PCDHA8: variants seen among roughly 807,000 people sequenced by gnomAD.
PCDHA8 encodes protocadherin alpha 8, also known as protocadherin alpha-8.
PCDHA8 carries 53 observed loss-of-function variants against 61.8 expected under a neutral mutation model. The ratio of observed to expected loss-of-function variants is 0.86; its 90% CI spans 0.69 to 1.08. The LOEUF is 1.08. PCDHA8 is among the 50% of genes least tolerant of loss of function. PCDHA8 has a pLI of 0.00. For missense variants in PCDHA8, 1,293 were observed against 1,245.0 expected, an observed-to-expected ratio of 1.04 and a Z score of -0.58; for synonymous variants, 618 against 556.6, an observed-to-expected ratio of 1.11 and a Z score of -1.55.
intron 1 of PCDHA8, among the ~76,000 whole-genome samples, chr5:140,947,307 T>C (rs1329729103): frequency 6.6e-6 from 1 of 151,660 alleles, no homozygotes; most frequent in African/African-American, 2.4e-5. Context: ...GACATCTTTG[T>C]AAAAAGTCGG....
At chr5:140,966,268 A>C (rs542154117) in intron 1 of PCDHA8, 5 of 351,754 alleles carry the variant, frequency 1.4e-5, no homozygotes, top group African/African-American at 1.0e-4. Context: ...AGACTGGATG[A>C]ACTGGACAGT....
In PCDHA8 at chr5:140,870,873, G is replaced by A. The variant is rs782065354; in HGVS notation, c.2394+27158G>A. 5 of 1,613,840 alleles carry A rather than the reference G, an allele frequency of 3.1e-6. No individual in the cohort carries two copies. The Admixed American group carries it at 5.0e-5, about 16-fold the overall frequency. On this transcript the variant is annotated intron_variant, in intron 1 of 3. Transcript: ENST00000531613. ...GGTCGGTGGGTGCGGGCCACGTGGTGGCGAAGGTGCGCGCAGTGGATGCGG... is the reference window on the plus strand; with the variant it reads ...GGTCGGTGGGTGCGGGCCACGTGGTAGCGAAGGTGCGCGCAGTGGATGCGG...
chr5:140,920,974 A>G (rs77459262), intron 1 of PCDHA8, among the ~76,000 whole-genome samples: 17,697 of 151,984 alleles, frequency 0.12, 1,149 homozygotes, highest in Middle Eastern at 0.19. Context: ...CTAGAGTATA[A>G]TATTGTATTT....
At chr5:140,877,652 C>T (rs1456022709) in intron 1 of PCDHA8, 1 of 1,613,400 alleles carries the variant, frequency 6.2e-7, no homozygotes, top group Non-Finnish European at 8.5e-7. Context: ...TCAGCGCCGC[C>T]CACCGTGAGC....
chr5:140,843,875 G>A (rs1044145588), intron 1 of PCDHA8, 160 bp downstream of exon 1: 18 of 764,320 alleles, frequency 2.4e-5, no homozygotes, highest in Middle Eastern at 3.9e-4. Context: ...TTTCTCAGTG[G>A]CATAATACAG....
intron 1 of PCDHA8, chr5:140,882,427 G>C (rs201675412): frequency 1.6e-4 from 264 of 1,613,972 alleles, no homozygotes; most frequent in Middle Eastern, 1.7e-4. Context: ...AGGACCTGGG[G>C]CTGGAGCTGG....
At chr5:140,928,121 A>C in intron 1 of PCDHA8, 1 of 1,614,194 alleles carries the variant, frequency 6.2e-7, no homozygotes, top group Non-Finnish European at 8.5e-7. Flanking sequence ...CAGATCAGTG[A>C]ATACCAAGTC....
In PCDHA8 at chr5:140,843,091, G is replaced by A. The variant is rs1554139733; in HGVS notation, c.1770G>A (p.Val590=). ...CGCGGTCTGTGGGCGCGGGCCACGT[G>A]GTAGCGAAGGTGCGCGCAGTGGACG... ...LVPRSVGAGH[V]VAKVRAVDAD... The change falls in exon 1 of 4, where the codon GTG becomes GTA. Residue 590 remains valine, a synonymous_variant. Transcript: ENST00000531613. 3 of 1,595,616 alleles carry A rather than the reference G, an allele frequency of 1.9e-6. No homozygotes were observed. Among genetic ancestry groups the A allele is most frequent in the Non-Finnish European group, 2.6e-6 (3 of 1,165,418 alleles).
intron 1 of PCDHA8, among the ~76,000 whole-genome samples, chr5:140,902,299 A>G (rs2069363932): frequency 6.6e-6 from 1 of 150,916 alleles, no homozygotes; most frequent in Admixed American, 6.6e-5. Flanking sequence ...CAGCCTCCCA[A>G]AGTGCTGGGA....
intron 1 of PCDHA8, among the ~76,000 whole-genome samples, chr5:140,899,684 G>T (rs1554188704): frequency 6.6e-6 from 1 of 152,154 alleles, no homozygotes; most frequent in African/African-American, 2.4e-5. Context: ...TCAGGATGAT[G>T]CTGGCCTCAT....
intron 1 of PCDHA8, among the ~76,000 whole-genome samples, chr5:140,945,682 G>GT (rs1325077083): frequency 6.6e-6 from 1 of 152,010 alleles, no homozygotes; most frequent in African/African-American, 2.4e-5. Context: ...AATCCACACA[G>GT]TTACTGTCCA....
At chr5:140,929,678 T>C in intron 1 of PCDHA8, 1 of 305,066 alleles carries the variant, frequency 3.3e-6, no homozygotes, top group East Asian at 5.8e-5. Flanking sequence ...ATGAAAAATA[T>C]GTAAGAGTCT....
intron 1 of PCDHA8, among the ~76,000 whole-genome samples, chr5:140,948,075 T>C (rs1554218432): frequency 1.3e-5 from 2 of 151,684 alleles, no homozygotes; most frequent in Non-Finnish European, 3.0e-5. Flanking sequence ...AATTTTCTTT[T>C]AATCTATTGA....
chr5:140,923,468 G>A (rs2081380588), intron 1 of PCDHA8, among the ~76,000 whole-genome samples: 1 of 152,098 alleles, frequency 6.6e-6, no homozygotes, highest in Admixed American at 6.5e-5. Context: ...GGTAGGGGCT[G>A]CAGTGAGCCA....
chr5:140,871,506 A>C (rs997428507), intron 1 of PCDHA8: 2 of 1,580,864 alleles, frequency 1.3e-6, no homozygotes, highest in Admixed American at 1.8e-5. Flanking sequence ...TGAGTTTTCT[A>C]CAGATTCCAC....
At chr5:140,951,407 A>C (rs115221257) in intron 1 of PCDHA8, among the ~76,000 whole-genome samples, 1 of 152,068 alleles carries the variant, frequency 6.6e-6, no homozygotes, top group Admixed American at 6.6e-5. Flanking sequence ...AAAGAGGTTT[A>C]ATTGGCTCAC....
chr5:140,988,025 G>A (rs1305100946), intron 3 of PCDHA8, among the ~76,000 whole-genome samples: 1 of 152,136 alleles, frequency 6.6e-6, no homozygotes, highest in African/African-American at 2.4e-5. Context: ...TGATTCTTAA[G>A]TTTTTTAGAA....
At chr5:140,922,092 C>G (rs188826380) in intron 1 of PCDHA8, among the ~76,000 whole-genome samples, 2 of 152,184 alleles carry the variant, frequency 1.3e-5, no homozygotes. Context: ...GGTATTTCTA[C>G]CAACTATAGA....
chr5:140,946,611 A>AATATATATAT (rs1554217734), intron 1 of PCDHA8, among the ~76,000 whole-genome samples: 3,697 of 86,664 alleles, frequency 0.043, 168 homozygotes, highest in Non-Finnish European at 0.054. Flanking sequence ...GAAAATGTGA[A>AATATATATAT]ATATATATAT....
Sources: allele counts gnomAD v4.1 joint callset (sites outside exome capture counted in the v4.1 genomes callset), GRCh38; gene constraint gnomAD v4.1.1; transcripts MANE v1.5; gene names NCBI Gene and HGNC (gene_info 2026-07-23, HGNC 2026-07-21).